The following NALF1 variants were observed in gnomAD, a reference collection of about 807,000 sequenced individuals.
The protein encoded by NALF1 is NALCN channel auxiliary factor 1, also known as family with sequence similarity 155 member A.
In NALF1, 3 loss-of-function variants were observed where a neutral mutation model predicts 48.4. The ratio of observed to expected loss-of-function variants is 0.06; its 90% confidence interval spans 0.03 to 0.16. The LOEUF is 0.16. NALF1 is among the 10% of genes least tolerant of loss of function. The probability of loss-of-function intolerance (pLI) is 1.00; values close to 1 mark genes in which losing one functional copy is unlikely to be tolerated. For missense variants in NALF1, 526 were observed against 571.5 expected, an observed-to-expected ratio of 0.92 and a Z score of 0.81; for synonymous variants, 262 against 245.7, an observed-to-expected ratio of 1.07 and a Z score of -0.62.
chr13:107,597,033 T>C (rs184150064), intron 1 of NALF1, among the ~76,000 whole-genome samples: 67 of 152,310 alleles, frequency 4.4e-4, no homozygotes, highest in Non-Finnish European at 8.4e-4. Flanking sequence ...GCTTCAGTTT[T>C]CTATTTGCTT....
At chr13:107,349,690 G>A (rs1251361224) in intron 1 of NALF1, among the ~76,000 whole-genome samples, 6 of 148,824 alleles carry the variant, frequency 4.0e-5, no homozygotes, top group Admixed American at 2.0e-4. Flanking sequence ...TCAGTGAGCC[G>A]AGATGGGGCC....
chr13:107,865,653 G>A (rs374194234), intron 1 of NALF1, 29 bp downstream of exon 1: 3 of 1,600,886 alleles, frequency 1.9e-6, no homozygotes, highest in Admixed American at 1.7e-5. Flanking sequence ...GAAAGTGCAG[G>A]AAAGGGGGAA....
chr13:107,345,552 T>C (rs1882756244), intron 1 of NALF1, among the ~76,000 whole-genome samples: 1 of 152,144 alleles, frequency 6.6e-6, no homozygotes, highest in Non-Finnish European at 1.5e-5. Context: ...CTACACAATA[T>C]GGAAAGAAGA....
chr13:107,351,653 C>A (rs1882877643), intron 1 of NALF1, among the ~76,000 whole-genome samples: 1 of 152,236 alleles, frequency 6.6e-6, no homozygotes. Flanking sequence ...TTCCCTCTAT[C>A]CTTCCCTCAC....
chr13:107,823,930 T>C (rs987950281), intron 1 of NALF1, among the ~76,000 whole-genome samples: 1 of 152,036 alleles, frequency 6.6e-6, no homozygotes, highest in African/African-American at 2.4e-5. Flanking sequence ...ATGTAAAGTG[T>C]TTCTTGTAGT....
intron 1 of NALF1, among the ~76,000 whole-genome samples, chr13:107,648,583 T>G (rs768361660): frequency 2.0e-5 from 3 of 152,170 alleles, no homozygotes; most frequent in Non-Finnish European, 4.4e-5. Flanking sequence ...TTCATTCACC[T>G]ATTGTAGGAC....
At chr13:107,253,502 T>C (rs559991619) in intron 1 of NALF1, among the ~76,000 whole-genome samples, 1 of 152,234 alleles carries the variant, frequency 6.6e-6, no homozygotes, top group East Asian at 1.9e-4. Context: ...CACATTGAGC[T>C]GGGGAAAGTC....
At chr13:107,637,506 T>C (rs1403937075) in intron 1 of NALF1, among the ~76,000 whole-genome samples, 2 of 152,186 alleles carry the variant, frequency 1.3e-5, no homozygotes, top group Non-Finnish European at 1.5e-5. Flanking sequence ...GTAAACAGGC[T>C]TTAAAATCTT....
chr13:107,251,302 C>T (rs1249448949), intron 1 of NALF1, among the ~76,000 whole-genome samples: 1 of 152,140 alleles, frequency 6.6e-6, no homozygotes, highest in Non-Finnish European at 1.5e-5. Flanking sequence ...ATTCTGAAAG[C>T]ACAAACTCAG....
At chr13:107,762,684 C>G (rs1488890418) in intron 1 of NALF1, among the ~76,000 whole-genome samples, 9 of 152,204 alleles carry the variant, frequency 5.9e-5, no homozygotes, top group Admixed American at 5.9e-4. Context: ...GGAGGACATA[C>G]AGAGTCGTTG....
At chr13:107,581,853 T>G (rs1878321588) in intron 1 of NALF1, among the ~76,000 whole-genome samples, 1 of 152,206 alleles carries the variant, frequency 6.6e-6, no homozygotes, top group African/African-American at 2.4e-5. Context: ...CTCCCATTTT[T>G]GGTGACTGTT....
intron 1 of NALF1, among the ~76,000 whole-genome samples, chr13:107,437,252 C>A (rs1884477232): frequency 6.6e-6 from 1 of 152,084 alleles, no homozygotes; most frequent in Admixed American, 6.6e-5. Flanking sequence ...CAAAACCTGC[C>A]CCACATGCAG....
intron 1 of NALF1, among the ~76,000 whole-genome samples, chr13:107,650,762 T>A (rs1326354954): frequency 1.3e-5 from 2 of 152,130 alleles, no homozygotes; most frequent in Non-Finnish European, 2.9e-5. Context: ...AGAGATCATG[T>A]CTTTTGCCAG....
At chr13:107,271,814 A>ATATATATATATATATATATTTATT (rs1374366280) in intron 1 of NALF1, among the ~76,000 whole-genome samples, 1 of 102,564 alleles carries the variant, frequency 9.8e-6, no homozygotes, top group Non-Finnish European at 1.8e-5. Context: ...ATATATATAT[A>ATATATATATATATATATATTTATT]TATTTATATA....
intron 1 of NALF1, among the ~76,000 whole-genome samples, chr13:107,710,772 CAT>C (rs765405506): frequency 2.8e-4 from 15 of 53,868 alleles, no homozygotes; most frequent in Non-Finnish European, 3.5e-4. Flanking sequence ...TGTATACACA[CAT>C]ATGTGTGTAT....
intron 2 of NALF1, among the ~76,000 whole-genome samples, chr13:107,181,481 G>C (rs1006993938): frequency 2.0e-5 from 3 of 150,202 alleles, no homozygotes; most frequent in Admixed American, 2.0e-4. Flanking sequence ...TTTTTGCTGT[G>C]TTTTGTTTTA....
intron 1 of NALF1, among the ~76,000 whole-genome samples, chr13:107,720,854 C>T (rs1037221678): frequency 4.6e-5 from 7 of 152,136 alleles, no homozygotes; most frequent in Admixed American, 2.6e-4. Flanking sequence ...CATCTGTTTA[C>T]GCCAAAGGTT....
intron 1 of NALF1, among the ~76,000 whole-genome samples, chr13:107,258,587 C>T (rs1210585444): frequency 6.6e-6 from 1 of 152,090 alleles, no homozygotes; most frequent in Non-Finnish European, 1.5e-5. Flanking sequence ...TATGTATTTA[C>T]CCACAGCTAA....
chr13:107,602,851 T>C (rs1356247019), intron 1 of NALF1, among the ~76,000 whole-genome samples: 2 of 152,218 alleles, frequency 1.3e-5, no homozygotes, highest in African/African-American at 4.8e-5. Context: ...TCTATGCTTA[T>C]ATGTCATTAT....
Sources: gnomAD v4.1 joint callset for allele counts (sites outside exome capture counted in the v4.1 genomes callset) on GRCh38, gnomAD v4.1.1 for gene constraint, MANE v1.5 for transcripts, NCBI Gene and HGNC (gene_info 2026-07-23, HGNC 2026-07-21) for gene names.